The following DLGAP2 variants were observed in gnomAD, a reference collection of about 807,000 sequenced individuals.
DLGAP2 encodes the protein DLG associated protein 2, also known as disks large-associated protein 2.
A neutral mutation model predicts 100.3 loss-of-function variants in DLGAP2; 26 were observed. That is an observed-to-expected ratio of 0.26 (90% confidence interval 0.19 to 0.36). DLGAP2 has a LOEUF of 0.36. Ranked by LOEUF, DLGAP2 falls within the 10% of genes least tolerant of loss-of-function variation. DLGAP2 has a pLI of 1.00. For missense variants in DLGAP2, 1,858 were observed against 1,453.2 expected, an observed-to-expected ratio of 1.28 and a Z score of -4.53; for synonymous variants, 886 against 630.1, an observed-to-expected ratio of 1.41 and a Z score of -6.08.
intron 2 of DLGAP2, among the ~76,000 whole-genome samples, chr8:998,719 T>C (rs1275377152): frequency 6.6e-6 from 1 of 152,222 alleles, no homozygotes; most frequent in Non-Finnish European, 1.5e-5. Flanking sequence ...GCCTGCCCTT[T>C]GCTCTTATAA....
At chr8:890,067 G>T (rs1798003641) in intron 1 of DLGAP2, among the ~76,000 whole-genome samples, 1 of 152,136 alleles carries the variant, frequency 6.6e-6, no homozygotes, top group Non-Finnish European at 1.5e-5. Flanking sequence ...CTCTCTGTGG[G>T]TCACGCCAGC....
chr8:1,353,513 G>T (rs1801782331), intron 3 of DLGAP2, among the ~76,000 whole-genome samples: 1 of 152,132 alleles, frequency 6.6e-6, no homozygotes, highest in Non-Finnish European at 1.5e-5. Context: ...GCACGTTTAA[G>T]GTTGGCCAGG....
chr8:933,433 G>A (rs1366846797), intron 2 of DLGAP2, among the ~76,000 whole-genome samples: 1 of 147,014 alleles, frequency 6.8e-6, no homozygotes, highest in Non-Finnish European at 1.5e-5. Flanking sequence ...GTGGACATCT[G>A]GCTGTGGGCA....
At chr8:1,520,138 G>C (rs1295884107) in intron 4 of DLGAP2, among the ~76,000 whole-genome samples, 2 of 152,182 alleles carry the variant, frequency 1.3e-5, no homozygotes, top group Non-Finnish European at 2.9e-5. Flanking sequence ...CTATACACCT[G>C]ATGAACATGT....
intron 6 of DLGAP2, among the ~76,000 whole-genome samples, chr8:1,572,139 C>A (rs1261867406): frequency 3.8e-5 from 3 of 79,692 alleles, no homozygotes; most frequent in Non-Finnish European, 4.7e-5. Flanking sequence ...GGGGCATCTT[C>A]TGGGATGGAG....
At chr8:1,552,080 A>T (rs1801787420) in intron 5 of DLGAP2, among the ~76,000 whole-genome samples, 1 of 151,570 alleles carries the variant, frequency 6.6e-6, no homozygotes, top group Admixed American at 6.6e-5. Context: ...CATTCCAGAC[A>T]CTCTGGTCCT....
At chr8:967,363 C>T (rs898433926) in intron 2 of DLGAP2, among the ~76,000 whole-genome samples, 4 of 152,160 alleles carry the variant, frequency 2.6e-5, no homozygotes, top group South Asian at 2.1e-4. Flanking sequence ...AATTCTGTGC[C>T]GCTTAGGCTT....
At chr8:857,422 T>A (rs771204339) in intron 1 of DLGAP2, among the ~76,000 whole-genome samples, 8 of 152,286 alleles carry the variant, frequency 5.3e-5, no homozygotes, top group Middle Eastern at 6.8e-3. Context: ...AGAAAATATT[T>A]GCAAAACACA....
chr8:1,631,582 C>T (rs1347129187), intron 7 of DLGAP2, among the ~76,000 whole-genome samples: 2 of 152,216 alleles, frequency 1.3e-5, no homozygotes, highest in Non-Finnish European at 2.9e-5. Flanking sequence ...TTGTCTGTCT[C>T]TGTCCAGTGT....
intron 3 of DLGAP2, among the ~76,000 whole-genome samples, chr8:1,356,676 G>C (rs1021944532): frequency 2.0e-5 from 3 of 152,220 alleles, no homozygotes; most frequent in African/African-American, 7.2e-5. Flanking sequence ...TGAATGAGGT[G>C]AGTATGAGCA....
chr8:783,641 C>A (rs573263039), intron 1 of DLGAP2, among the ~76,000 whole-genome samples: 2 of 152,182 alleles, frequency 1.3e-5, no homozygotes, highest in Admixed American at 1.3e-4. Flanking sequence ...CCTTTCCCTA[C>A]AGTCTGCTAA....
intron 2 of DLGAP2, among the ~76,000 whole-genome samples, chr8:1,006,932 C>T (rs1171341749): frequency 1.3e-5 from 2 of 149,814 alleles, no homozygotes; most frequent in African/African-American, 4.9e-5. Flanking sequence ...TCTCAAGTCT[C>T]GGGATGTGGT....
chr8:1,119,911 A>T (rs1040771861), intron 2 of DLGAP2, among the ~76,000 whole-genome samples: 10 of 152,168 alleles, frequency 6.6e-5, no homozygotes, highest in African/African-American at 2.2e-4. Flanking sequence ...CTCACTAGAA[A>T]GGTTTCCTTG....
chr8:1,549,249 C>T lies in DLGAP2; in HGVS notation c.796C>T (p.His266Tyr). 1.2e-6 allele frequency: 2 copies of T among 1,609,296 alleles called. No individual in the cohort carries two copies. The highest frequency in any genetic ancestry group is 1.3e-5 in the African/African-American group (1 of 75,000). Residue 266 changes from histidine (H) to tyrosine (Y), a missense_variant, in exon 5 of 15, where the codon CAC becomes TAC. Transcript: ENST00000637795. Reference protein sequence around the residue: ...GTKADGRADDHHHAHHAKHSK... With the variant: ...GTKADGRADDYHHAHHAKHSK... ...CAAGGCGGACGGCCGGGCGGACGAC[C>T]ACCACCACGCCCACCACGCCAAGCA...
chr8:748,592 A>G (rs1231909270), intron 1 of DLGAP2, among the ~76,000 whole-genome samples: 1 of 152,194 alleles, frequency 6.6e-6, no homozygotes, highest in Non-Finnish European at 1.5e-5. Flanking sequence ...CGTATCATTT[A>G]CCACGCACTT....
At chr8:841,947 C>T (rs1464369249) in intron 1 of DLGAP2, among the ~76,000 whole-genome samples, 1 of 152,178 alleles carries the variant, frequency 6.6e-6, no homozygotes, top group Non-Finnish European at 1.5e-5. Flanking sequence ...TTCCTCTATC[C>T]TACATCATGT....
Position 973,983 on chromosome 8 carries a change from G to T in DLGAP2, c.73+66017G>T, listed in dbSNP as rs544597256. ...ACCGGGCCACTCGGTCGCCAGAAAA[G>T]ATTTTTTTAAAAATGGAACAGAATA... On this transcript the variant is annotated intron_variant, in intron 2 of 14. Coordinates refer to ENST00000637795, the MANE Select transcript of DLGAP2 (RefSeq NM_001346810.2). Among the ~76,000 whole-genome samples, 999 of 152,034 alleles carry T rather than the reference G, an allele frequency of 6.6e-3. 11 individuals are homozygous for T. The highest frequency in any genetic ancestry group is 0.023 in the African/African-American group (953 of 41,548).
At chr8:1,201,029 C>G (rs902385360) in intron 2 of DLGAP2, among the ~76,000 whole-genome samples, 2 of 152,162 alleles carry the variant, frequency 1.3e-5, no homozygotes, top group African/African-American at 4.8e-5. Flanking sequence ...GGACCCACAC[C>G]TAGAGGTGAG....
At chr8:1,326,730 C>T (rs984235318) in intron 3 of DLGAP2, among the ~76,000 whole-genome samples, 1 of 152,224 alleles carries the variant, frequency 6.6e-6, no homozygotes, top group Non-Finnish European at 1.5e-5. Context: ...ATGCTTGAAC[C>T]TTAGTTTCTT....
Sources: allele counts gnomAD v4.1 joint callset (sites outside exome capture counted in the v4.1 genomes callset), GRCh38; gene constraint gnomAD v4.1.1; transcripts MANE v1.5; gene names NCBI Gene and HGNC (gene_info 2026-07-23, HGNC 2026-07-21).